Variants in ERC1 observed in about 807,000 individuals in gnomAD.
ERC1 encodes RAB6 interacting protein 2.
ERC1 carries 56 observed loss-of-function variants against 132.0 expected under a neutral mutation model. The observed-to-expected ratio is 0.42, with a 90% CI of 0.34 to 0.53. The LOEUF (loss-of-function observed/expected upper bound fraction) is 0.53. ERC1 is among the 20% of genes least tolerant of loss of function. ERC1 has a pLI of 0.03. For synonymous variants in ERC1, 478 were observed against 476.1 expected, an observed-to-expected ratio of 1.00 and a Z score of -0.05; for missense variants, 1,202 against 1,349.9, an observed-to-expected ratio of 0.89 and a Z score of 1.72.
intron 7 of ERC1, among the ~76,000 whole-genome samples, chr12:1,123,526 A>T (rs1017661253): frequency 2.0e-5 from 3 of 152,238 alleles, no homozygotes; most frequent in Admixed American, 6.5e-5. Context: ...GATAGAAAAA[A>T]ATTTAAAAAT....
chr12:1,184,867 C>G (rs1229461646), intron 11 of ERC1, among the ~76,000 whole-genome samples: 1 of 152,082 alleles, frequency 6.6e-6, no homozygotes, highest in Admixed American at 6.5e-5. Flanking sequence ...ATCTTCCTGC[C>G]TCATCCTCTT....
At chr12:999,046 G>T (rs773917592) in intron 1 of ERC1, among the ~76,000 whole-genome samples, 61 of 151,928 alleles carry the variant, frequency 4.0e-4, no homozygotes, top group Non-Finnish European at 7.9e-4. Flanking sequence ...TTTTAGTAGA[G>T]ATGGGGTTTC....
At chr12:1,189,717 T>TA (rs2154276757) in intron 11 of ERC1, 142 bp from the exon 12 acceptor site, 4 of 593,650 alleles carry the variant, frequency 6.7e-6, no homozygotes, top group Non-Finnish European at 8.5e-6. Context: ...CTTAAGCAGA[T>TA]AAAAACCTTA....
At chr12:1,074,189 T>C (rs1940952314) in intron 2 of ERC1, among the ~76,000 whole-genome samples, 1 of 152,152 alleles carries the variant, frequency 6.6e-6, no homozygotes. Flanking sequence ...AGCTCCATTG[T>C]AATGTTATGG....
intron 8 of ERC1, among the ~76,000 whole-genome samples, chr12:1,150,961 G>A (rs1446644609): frequency 2.0e-5 from 3 of 152,160 alleles, no homozygotes; most frequent in Non-Finnish European, 2.9e-5. Context: ...TAATGTATCC[G>A]TGTTGATTAA....
At chr12:1,403,289 A>G (rs1264157549) in intron 16 of ERC1, among the ~76,000 whole-genome samples, 1 of 151,974 alleles carries the variant, frequency 6.6e-6, no homozygotes, top group Non-Finnish European at 1.5e-5. Context: ...CTGCACATGC[A>G]CCTGGCACGG....
At chr12:1,094,849 G>A (rs1031938780) in intron 3 of ERC1, among the ~76,000 whole-genome samples, 17 of 152,070 alleles carry the variant, frequency 1.1e-4, no homozygotes, top group Admixed American at 3.3e-4. Context: ...GTTAAGATAC[G>A]AAAAAGTGGT....
At chr12:1,142,497 C>T (rs1165013541) in intron 8 of ERC1, among the ~76,000 whole-genome samples, 3 of 152,140 alleles carry the variant, frequency 2.0e-5, no homozygotes, top group African/African-American at 7.2e-5. Context: ...AGGATAAAGT[C>T]CTTAAAGTTG....
At chr12:1,221,904 G>C (rs112315634) in intron 12 of ERC1, among the ~76,000 whole-genome samples, 4 of 152,292 alleles carry the variant, frequency 2.6e-5, no homozygotes, top group African/African-American at 9.6e-5. Flanking sequence ...TGGGATGATA[G>C]GTTCTGAGAA....
chr12:1,303,295 C>G (rs184783983), intron 15 of ERC1, among the ~76,000 whole-genome samples: 2 of 152,262 alleles, frequency 1.3e-5, no homozygotes, highest in East Asian at 3.9e-4. Context: ...AGCATTTTAC[C>G]CACAGTAGAA....
chr12:1,145,028 T>G (rs1950219152), intron 8 of ERC1, among the ~76,000 whole-genome samples: 2 of 152,168 alleles, frequency 1.3e-5, no homozygotes, highest in South Asian at 4.1e-4. Flanking sequence ...CAGAGCTTTT[T>G]TTTTTTGAGA....
intron 2 of ERC1, among the ~76,000 whole-genome samples, chr12:1,074,237 C>T (rs1468409278): frequency 1.3e-5 from 2 of 152,036 alleles, no homozygotes; most frequent in South Asian, 2.1e-4. Flanking sequence ...TTGACTGAAA[C>T]GTCATGTGGT....
At chr12:1,181,025 C>T (rs1191332548) in intron 9 of ERC1, among the ~76,000 whole-genome samples, 1 of 151,886 alleles carries the variant, frequency 6.6e-6, no homozygotes, top group African/African-American at 2.4e-5. Flanking sequence ...GTTGGCCAGA[C>T]TGGTTTTGAA....
chr12:1,444,422 T>G (rs944989450), intron 17 of ERC1, 140 bp from the exon 18 acceptor site: 1 of 596,048 alleles, frequency 1.7e-6, no homozygotes, highest in African/African-American at 1.9e-5. Context: ...TCCTGAAGAT[T>G]TCAGTAGTGA....
At chr12:1,357,470 A>G (rs1018138311) in intron 15 of ERC1, among the ~76,000 whole-genome samples, 5 of 152,214 alleles carry the variant, frequency 3.3e-5, no homozygotes, top group African/African-American at 1.2e-4. Flanking sequence ...TAAAACAGAC[A>G]TCTAAATAAG....
At chr12:1,395,872 T>C (rs145408950) in intron 16 of ERC1, among the ~76,000 whole-genome samples, 177 of 152,024 alleles carry the variant, frequency 1.2e-3, no homozygotes, top group Non-Finnish European at 2.0e-3. Context: ...GTGAGCTTAA[T>C]TCCATAAATG....
chr12:1,490,170 A>T lies in ERC1; in HGVS notation c.3291A>T (p.Ile1097=), dbSNP rs1396135611. Residue 1097 remains isoleucine, a synonymous_variant, in exon 19 of 19, where the codon ATA becomes ATT. Transcript: ENST00000360905. ...QEFANAILQQ[I]ADHCPDILEQ... ...TTGCCAACGCCATTCTTCAGCAGAT[A>T]GCAGACCATTGTCCCGACATCCTAG... 3 of 1,614,224 alleles carry T rather than the reference A, an allele frequency of 1.9e-6. No homozygotes were observed. Among genetic ancestry groups the T allele is most frequent in the Non-Finnish European group, 2.5e-6 (3 of 1,180,026 alleles).
At position 1,104,803 on chromosome 12, in the gene ERC1, G is replaced by A. The variant is rs1945071196; in HGVS notation, c.1140G>A (p.Leu380=). The A allele has an allele frequency of 1.2e-6, 2 of 1,612,174 alleles. No homozygotes were observed. Among genetic ancestry groups the A allele is most frequent in the East Asian group, 2.2e-5 (1 of 44,872 alleles). ...NAPDSAKTKA[L]QTVIEMKDSK... The stretch of plus-strand genomic sequence containing the variant: ...CTGATTCTGCCAAAACAAAAGCTCT[G>A]CAAACTGTTATTGAGATGAAGGTAA... The change falls in exon 4 of 19, where the codon CTG becomes CTA. Residue 380 remains leucine, a synonymous_variant. Coordinates refer to ENST00000360905, the MANE Select transcript of ERC1 (RefSeq NM_178040.4).
intron 18 of ERC1, among the ~76,000 whole-genome samples, chr12:1,451,903 A>G (rs533690882): frequency 2.0e-5 from 3 of 152,202 alleles, no homozygotes; most frequent in Admixed American, 2.0e-4. Flanking sequence ...ACCCTAATCC[A>G]TTGTAACTGA....
Sources: gnomAD v4.1 joint callset for allele counts (sites outside exome capture counted in the v4.1 genomes callset) on GRCh38, gnomAD v4.1.1 for gene constraint, MANE v1.5 for transcripts, NCBI Gene and HGNC (gene_info 2026-07-23, HGNC 2026-07-21) for gene names.